CAMTA1: variants seen among roughly 807,000 people sequenced by gnomAD.
CAMTA1 encodes the protein calmodulin binding transcription activator 1.
CAMTA1 carries 27 observed loss-of-function variants against 170.9 expected under a neutral mutation model. The ratio of observed to expected loss-of-function variants is 0.16; its 90% CI spans 0.12 to 0.22. The LOEUF (loss-of-function observed/expected upper bound fraction) is 0.22. Among genes scored for constraint, CAMTA1 ranks in the 10% least tolerant of loss-of-function variants. The pLI is 1.00. For synonymous variants in CAMTA1, 833 were observed against 891.5 expected, an observed-to-expected ratio of 0.93 and a Z score of 1.17; for missense variants, 1,619 against 2,217.2, an observed-to-expected ratio of 0.73 and a Z score of 5.42.
At chr1:7,351,480 C>T (rs2084668491) in intron 5 of CAMTA1, among the ~76,000 whole-genome samples, 1 of 152,358 alleles carries the variant, frequency 6.6e-6, no homozygotes, top group East Asian at 1.9e-4. Context: ...TCCCACCATC[C>T]AGGAACTGTT....
At chr1:6,842,751 G>A (rs776563502) in intron 3 of CAMTA1, among the ~76,000 whole-genome samples, 5 of 152,058 alleles carry the variant, frequency 3.3e-5, no homozygotes, top group Admixed American at 2.6e-4. Context: ...GTGAAACCAC[G>A]TCTCTATTAA....
Position 7,680,166 on chromosome 1 carries a change from C to A in CAMTA1, c.2914+2433C>A. The stretch of plus-strand genomic sequence containing the variant: ...CCCGGGCCTCTGGCCAGCCACGGGG[C>A]CTGGCCATGAACTTTGCGTCCGGGC... On this transcript the variant is annotated intron_variant, in intron 11 of 22. Transcript: ENST00000303635. The surrounding 1 kb of genome is among the most constrained non-coding windows in gnomAD (Gnocchi z 4.4). 1 of 235,040 alleles carries A rather than the reference C, an allele frequency of 4.3e-6. No homozygotes were observed. The highest frequency in any genetic ancestry group is 9.4e-6 in the Non-Finnish European group (1 of 106,420). The allele number at this position is 235,040 out of a possible 1,614,324, so 14.6% of individuals were successfully genotyped here. A position where few individuals can be genotyped will look rare whatever the true frequency, so the allele number is the denominator to read the frequency against.
chr1:7,130,425 T>G (rs993593292), intron 4 of CAMTA1, among the ~76,000 whole-genome samples: 2 of 152,238 alleles, frequency 1.3e-5, no homozygotes, highest in Non-Finnish European at 2.9e-5. Flanking sequence ...CAAAATTACA[T>G]GTACACATCT....
At chr1:7,385,620 G>T (rs2087868404) in intron 5 of CAMTA1, among the ~76,000 whole-genome samples, 1 of 152,174 alleles carries the variant, frequency 6.6e-6, no homozygotes, top group South Asian at 2.1e-4. Flanking sequence ...CTGGAGAGCA[G>T]CAAACACCAG....
chr1:7,053,021 C>T lies in CAMTA1; in HGVS notation c.235-38283C>T, dbSNP rs531685782. 1.1e-3 allele frequency among the ~76,000 whole-genome samples: 164 copies of T among 152,324 alleles called. 3 individuals are homozygous for T. The highest frequency in any genetic ancestry group is 0.01 in the Admixed American group (159 of 15,310). On this transcript the variant is annotated intron_variant, in intron 3 of 22. Coordinates refer to ENST00000303635, the MANE Select transcript of CAMTA1 (RefSeq NM_015215.4). ...CTGGCTTCCCCCTGCCAGCCTCGCC[C>T]GGCCACTCTGCTGAGGGAATGGGAA... is the stretch of plus-strand genomic sequence containing the variant.
chr1:7,122,542 G>T (rs1036913899), intron 4 of CAMTA1, among the ~76,000 whole-genome samples: 4 of 152,158 alleles, frequency 2.6e-5, no homozygotes, highest in African/African-American at 9.7e-5. Context: ...GAGCAGGCAG[G>T]CACTTCGGGT....
chr1:7,387,384 C>G (rs1277701286), intron 5 of CAMTA1, among the ~76,000 whole-genome samples: 1 of 152,178 alleles, frequency 6.6e-6, no homozygotes, highest in Non-Finnish European at 1.5e-5. Flanking sequence ...CCCTTCACTT[C>G]CCAAATCCAA....
At chr1:7,395,342 TGTA>T (rs1575100056) in intron 5 of CAMTA1, among the ~76,000 whole-genome samples, 1 of 152,174 alleles carries the variant, frequency 6.6e-6, no homozygotes, top group East Asian at 1.9e-4. Flanking sequence ...TTCCCCAGTG[TGTA>T]TTATTGTTGC....
intron 3 of CAMTA1, among the ~76,000 whole-genome samples, chr1:7,037,344 G>A (rs918841019): frequency 1.1e-4 from 16 of 152,202 alleles, no homozygotes; most frequent in African/African-American, 3.9e-4. Context: ...GGTGCGTGAG[G>A]CAGAGAGGCA....
intron 6 of CAMTA1, among the ~76,000 whole-genome samples, chr1:7,639,190 AG>A (rs2148923106): frequency 6.6e-6 from 1 of 151,898 alleles, no homozygotes; most frequent in African/African-American, 2.4e-5. Flanking sequence ...CGTGTTAGCC[AG>A]GATGGTCTCG....
chr1:6,825,050 T>TA, intron 2 of CAMTA1, 42 bp from the exon 3 acceptor site: 1 of 1,192,350 alleles, frequency 8.4e-7, no homozygotes, highest in Non-Finnish European at 1.2e-6. Flanking sequence ...AAGGAGATTT[T>TA]ATCTATTATT....
Position 7,249,727 on chromosome 1 carries a change from C to A in CAMTA1, c.438+101C>A. ...TAATTTGATGCGAGTCACCTCTGTC[C>A]AAAGAATTTTTGTTTGCCAAGACCC... is the stretch of plus-strand genomic sequence containing the variant. On this transcript the variant is annotated intron_variant, in intron 5 of 22. Coordinates refer to ENST00000303635, the MANE Select transcript of CAMTA1 (RefSeq NM_015215.4). This position sits in a 1 kb window ranked among gnomAD's most constrained non-coding sequence, Gnocchi z 4.4. 1.4e-6 allele frequency: 2 copies of A among 1,391,824 alleles called. No individual in the cohort carries two copies. Among genetic ancestry groups the A allele is most frequent in the African/African-American group, 1.4e-5 (1 of 68,992 alleles). 86.2% of individuals were successfully genotyped at this position (1,391,824 alleles called of 1,614,324 possible).
chr1:6,908,598 G>A (rs1679056362), intron 3 of CAMTA1, among the ~76,000 whole-genome samples: 1 of 152,240 alleles, frequency 6.6e-6, no homozygotes, highest in Non-Finnish European at 1.5e-5. Context: ...CAGGTTCATA[G>A]TTGTGGATTA....
chr1:7,015,290 T>C (rs1700369019), intron 3 of CAMTA1, among the ~76,000 whole-genome samples: 1 of 152,172 alleles, frequency 6.6e-6, no homozygotes, highest in Non-Finnish European at 1.5e-5. Context: ...CCCCTGACTC[T>C]ATTCCTCACT....
intron 1 of CAMTA1, among the ~76,000 whole-genome samples, chr1:6,801,434 C>T (rs1643815752): frequency 6.6e-6 from 1 of 152,132 alleles, no homozygotes; most frequent in Non-Finnish European, 1.5e-5. Flanking sequence ...GTGCTCTTTG[C>T]TACCTTCGTC....
intron 3 of CAMTA1, among the ~76,000 whole-genome samples, chr1:7,055,782 A>G (rs1308607858): frequency 6.6e-6 from 1 of 152,136 alleles, no homozygotes; most frequent in Non-Finnish European, 1.5e-5. Flanking sequence ...CCCGGAGTTT[A>G]CCTGCCCAGG....
rs758172585 is a variant in CAMTA1 at position 7,195,928 on chromosome 1, G to C, written c.303-53563G>C. Reference sequence around the variant, plus strand: ...CAGCTCTTAGGAGGCTGAGGCAGGAGAATCACTTGAACCAGGAGGTGGAGG... The same window carrying C: ...CAGCTCTTAGGAGGCTGAGGCAGGACAATCACTTGAACCAGGAGGTGGAGG... On this transcript the variant is annotated intron_variant, in intron 4 of 22. Transcript: ENST00000303635. The surrounding 1 kb of genome is among the most constrained non-coding windows in gnomAD (Gnocchi z 4.1). 6.6e-6 allele frequency among the ~76,000 whole-genome samples: 1 copy of C among 152,138 alleles called. No homozygotes were observed. Among genetic ancestry groups the C allele is most frequent in the African/African-American group, 2.4e-5 (1 of 41,430 alleles).
At chr1:7,191,143 A>C (rs1009693914) in intron 4 of CAMTA1, among the ~76,000 whole-genome samples, 5 of 152,222 alleles carry the variant, frequency 3.3e-5, no homozygotes, top group African/African-American at 1.2e-4. Flanking sequence ...GCCCTTGGGC[A>C]TGGGAAGAGT....
At chr1:7,208,593 C>T (rs1658186481) in intron 4 of CAMTA1, among the ~76,000 whole-genome samples, 1 of 152,162 alleles carries the variant, frequency 6.6e-6, no homozygotes, top group South Asian at 2.1e-4. Flanking sequence ...AACATGTGCA[C>T]CTCTGTGTTT....
Sources: allele counts gnomAD v4.1 joint callset (sites outside exome capture counted in the v4.1 genomes callset), GRCh38; gene constraint gnomAD v4.1.1; non-coding constraint Gnocchi (gnomAD v3.1); transcripts MANE v1.5; gene names NCBI Gene and HGNC (gene_info 2026-07-23, HGNC 2026-07-21).